SAMMSON: variants seen among roughly 807,000 people sequenced by gnomAD.
The protein encoded by SAMMSON is long intergenic non-protein coding RNA 1212.
chr3:70,366,940 A>C (rs1017164125), intron 9 of SAMMSON, among the ~76,000 whole-genome samples: 1 of 151,544 alleles, frequency 6.6e-6, no homozygotes, highest in African/African-American at 2.4e-5. Context: ...GGTTGAGCAT[A>C]TTTTTATATT....
At chr3:70,010,421 G>T (rs1040026636) in intron 1 of SAMMSON, among the ~76,000 whole-genome samples, 1 of 151,946 alleles carries the variant, frequency 6.6e-6, no homozygotes, top group African/African-American at 2.4e-5. Context: ...TTTGATCTTT[G>T]TTGGTTTAAA....
chr3:70,214,328 C>A (rs915845008), intron 4 of SAMMSON, among the ~76,000 whole-genome samples: 2 of 152,098 alleles, frequency 1.3e-5, no homozygotes, highest in Non-Finnish European at 2.9e-5. Flanking sequence ...TGTAGCACTT[C>A]AACTAAAACC....
intron 6 of SAMMSON, among the ~76,000 whole-genome samples, chr3:70,286,919 CTT>C (rs1296933181): frequency 2.6e-5 from 4 of 151,594 alleles, no homozygotes; most frequent in African/African-American, 4.9e-5. Flanking sequence ...TATCCTGAGA[CTT>C]TGCTGAAGTT....
chr3:70,246,380 C>T (rs1701708607), intron 4 of SAMMSON, among the ~76,000 whole-genome samples: 1 of 152,060 alleles, frequency 6.6e-6, no homozygotes, highest in African/African-American at 2.4e-5. Context: ...GTTGTAAACA[C>T]AAGACCAAGT....
At chr3:70,335,063 GAA>G (rs67923303) in intron 7 of SAMMSON, among the ~76,000 whole-genome samples, 1 of 146,608 alleles carries the variant, frequency 6.8e-6, no homozygotes, top group Non-Finnish European at 1.5e-5. Context: ...CTGCTTTGGG[GAA>G]AAAAAAAAAA....
chr3:70,395,311 C>T (rs1257081908), intron 2 of SAMMSON, among the ~76,000 whole-genome samples: 3 of 149,126 alleles, frequency 2.0e-5, no homozygotes. Flanking sequence ...TTCTCCTCTC[C>T]TCTCCTTCTC....
intron 4 of SAMMSON, among the ~76,000 whole-genome samples, chr3:70,088,660 C>T (rs2067294390): frequency 6.6e-6 from 1 of 152,054 alleles, no homozygotes; most frequent in Admixed American, 6.6e-5. Flanking sequence ...AGTAACTGAG[C>T]CTCAGTTTCC....
chr3:70,316,115 A>G (rs1259285942), intron 7 of SAMMSON, among the ~76,000 whole-genome samples: 3 of 152,184 alleles, frequency 2.0e-5, no homozygotes, highest in Non-Finnish European at 2.9e-5. Flanking sequence ...ATCCAGAAAT[A>G]TAATCTTTAA....
intron 6 of SAMMSON, among the ~76,000 whole-genome samples, chr3:70,275,044 C>G (rs1296218955): frequency 6.6e-6 from 1 of 152,204 alleles, no homozygotes; most frequent in Admixed American, 6.5e-5. Flanking sequence ...TCAAAGGAAA[C>G]TACCTCTTCA....
At chr3:70,333,537 A>C (rs1424026659) in intron 7 of SAMMSON, among the ~76,000 whole-genome samples, 1 of 152,176 alleles carries the variant, frequency 6.6e-6, no homozygotes, top group East Asian at 1.9e-4. Flanking sequence ...GATTCTGTGC[A>C]AGAAAACATA....
intron 4 of SAMMSON, among the ~76,000 whole-genome samples, chr3:70,093,333 A>G (rs1417581800): frequency 6.6e-6 from 1 of 152,176 alleles, no homozygotes; most frequent in Non-Finnish European, 1.5e-5. Flanking sequence ...AGATAAGAAA[A>G]TTGAGGCTAC....
At chr3:70,295,248 A>T (rs1191996271) in intron 7 of SAMMSON, among the ~76,000 whole-genome samples, 2 of 152,172 alleles carry the variant, frequency 1.3e-5, no homozygotes, top group African/African-American at 4.8e-5. Context: ...GAAGCAACCA[A>T]AGTAGCCATT....
chr3:70,047,656 T>C (rs942265782), intron 3 of SAMMSON, among the ~76,000 whole-genome samples: 5 of 152,182 alleles, frequency 3.3e-5, no homozygotes, highest in Middle Eastern at 3.4e-3. Context: ...TTGTGCCAGA[T>C]GTGTGTGTCT....
chr3:70,274,754 T>A (rs1702005384), intron 6 of SAMMSON, among the ~76,000 whole-genome samples: 1 of 152,134 alleles, frequency 6.6e-6, no homozygotes. Context: ...CCTTGGAACT[T>A]AAAACAAATA....
At chr3:70,427,670 G>A (rs960541712) in intron 2 of SAMMSON, among the ~76,000 whole-genome samples, 5 of 151,302 alleles carry the variant, frequency 3.3e-5, no homozygotes, top group Admixed American at 2.0e-4. Flanking sequence ...CCCGGGAGGC[G>A]GAGCTTGCAG....
intron 7 of SAMMSON, among the ~76,000 whole-genome samples, chr3:70,324,920 CAA>C (rs5849946): frequency 3.7e-5 from 5 of 134,870 alleles, no homozygotes; most frequent in Admixed American, 7.3e-5. Flanking sequence ...TGTAAATGGC[CAA>C]AAAAAAAAAA....
intron 3 of SAMMSON, among the ~76,000 whole-genome samples, chr3:70,042,758 G>A (rs1159197186): frequency 6.6e-6 from 1 of 152,106 alleles, no homozygotes; most frequent in Non-Finnish European, 1.5e-5. Context: ...AATTATGCAT[G>A]AAATTGTGCC....
intron 6 of SAMMSON, among the ~76,000 whole-genome samples, chr3:70,269,823 T>C (rs1442418799): frequency 6.6e-6 from 1 of 152,048 alleles, no homozygotes; most frequent in African/African-American, 2.4e-5. Context: ...CACATCTCAT[T>C]TCGAAAACAA....
intron 7 of SAMMSON, among the ~76,000 whole-genome samples, chr3:70,324,861 T>A (rs1236081484): frequency 6.6e-6 from 1 of 151,222 alleles, no homozygotes; most frequent in African/African-American, 2.4e-5. Flanking sequence ...TCTCCTCTCC[T>A]CTCTCCATTC....
Sources: allele counts gnomAD v4.1 joint callset (sites outside exome capture counted in the v4.1 genomes callset), GRCh38; gene constraint gnomAD v4.1.1; transcripts MANE v1.5; gene names NCBI Gene and HGNC (gene_info 2026-07-23, HGNC 2026-07-21).